Variants in CFI observed in about 807,000 individuals in gnomAD.
CFI encodes the protein C3B/C4B inactivator.
A neutral mutation model predicts 78.8 loss-of-function variants in CFI; 66 were observed. The ratio of observed to expected loss-of-function variants is 0.84; its 90% CI spans 0.69 to 1.03. The LOEUF is 1.03. CFI is among the 50% of genes least tolerant of loss of function. The probability of loss-of-function intolerance (pLI) is 0.00; values close to 1 mark genes in which losing one functional copy is unlikely to be tolerated. For synonymous variants in CFI, 250 were observed against 232.6 expected (o/e 1.07, Z -0.68); for missense variants, 706 against 704.5 (o/e 1.00, Z -0.02).
At chr4:109,782,186 A>C (rs1326659775) in intron 1 of CFI, among the ~76,000 whole-genome samples, 1 of 152,082 alleles carries the variant, frequency 6.6e-6, no homozygotes, top group African/African-American at 2.4e-5. Context: ...AAATAATTTT[A>C]TTTCTTTCTC....
intron 1 of CFI, among the ~76,000 whole-genome samples, chr4:109,788,044 T>C (rs563261628): frequency 1.2e-4 from 19 of 152,174 alleles, no homozygotes; most frequent in Admixed American, 2.0e-4. Flanking sequence ...CATGAATGTA[T>C]ACATGAGCCC....
chr4:109,786,077 A>C lies in CFI; in HGVS notation c.57+15838T>G, dbSNP rs114589678. Among the ~76,000 whole-genome samples the C allele has an allele frequency of 5.3e-3, 809 of 152,064 alleles. 5 individuals are homozygous for C. The highest frequency in any genetic ancestry group is 0.019 in the African/African-American group (775 of 41,538). On this transcript the variant is annotated intron_variant, in intron 1 of 12. Transcript: ENST00000394634. ...CAAAAAAAACCAAAGTCTAGCTCTG[A>C]GAGTGAGTGCAGTGACAATTTCAGC... is the stretch of plus-strand genomic sequence containing the variant.
intron 1 of CFI, among the ~76,000 whole-genome samples, chr4:109,771,176 G>A (rs534335583): frequency 5.7e-4 from 87 of 152,046 alleles, no homozygotes; most frequent in African/African-American, 2.0e-3. Flanking sequence ...CGGATCATGA[G>A]GTCAGGAGTT....
Position 109,753,213 on chromosome 4 carries a change from T to TTATTATATATTTATTA in CFI, c.905-711_905-710insTAATAAATATATAATA, listed in dbSNP as rs1554027473. ...ATAAATAAATATTTATAATATATAT[T>TTATTATATATTTATTA]TATAATATATTTATAATATAAATAA... On this transcript the variant is annotated intron_variant, in intron 7 of 12. Transcript: ENST00000394634. Among the ~76,000 whole-genome samples the TTATTATATATTTATTA allele has an allele frequency of 4.2e-4, 2 of 4,816 alleles. 1 individual carries two copies. The allele number at this position is 4,816 out of a possible 152,430, so 3.2% of individuals were successfully genotyped here.
rs1725468134 is a variant in CFI, at chr4:109,753,228, A to AATATATATTTATT, written c.905-726_905-725insAATAAATATATAT. Among the ~76,000 whole-genome samples the AATATATATTTATT allele has an allele frequency of 3.3e-3, 2 of 598 alleles. 1 individual carries two copies. The highest frequency in any genetic ancestry group is 0.25 in the Admixed American group (2 of 8). 0.4% of individuals were successfully genotyped at this position (598 alleles called of 152,430 possible). A position where few individuals can be genotyped will look rare whatever the true frequency, so the allele number is the denominator to read the frequency against. ...TAATATATATTTATAATATATTTAT[A>AATATATATTTATT]ATATAAATAAATATTTATAATATAT... is the stretch of plus-strand genomic sequence containing the variant. On this transcript the variant is annotated intron_variant, in intron 7 of 12. Coordinates refer to ENST00000394634, the MANE Select transcript of CFI (RefSeq NM_000204.5).
chr4:109,766,700 C>A lies in CFI; in HGVS notation c.182G>T (p.Cys61Phe). ...CTTTGGGCACTGATACGGTAGTTTA[C>A]AAACACAGGTGCCCTCAATGCATCT... Reference protein sequence around the residue: ...WQRCIEGTCVCKLPYQCPKNG... With the variant: ...WQRCIEGTCVFKLPYQCPKNG... The change falls in exon 2 of 13, where the codon TGT (cysteine) becomes TTT (phenylalanine). Residue 61 changes from cysteine (C) to phenylalanine (F), a missense_variant. By Grantham distance (205) the Cys-to-Phe change is radical. Coordinates refer to ENST00000394634, the MANE Select transcript of CFI (RefSeq NM_000204.5). 6.2e-7 allele frequency: 1 copy of A among 1,614,202 alleles called. No homozygotes were observed. Among genetic ancestry groups the A allele is most frequent in the Non-Finnish European group, 8.5e-7 (1 of 1,180,040 alleles).
In CFI at chr4:109,749,260, T is replaced by G. The variant is rs776596901; in HGVS notation, c.1106A>C (p.Tyr369Ser). The part of the protein sequence containing the change: ...DASGITCGGI[Y>S]IGGCWILTAA... ...AGTCAGAATCCAACAGCCACCAATA[T>G]AAATTCCCCCACAGGTGATTCCACT... The change falls in exon 10 of 13, where the codon TAT becomes TCT. Residue 369 changes from tyrosine (Y) to serine (S), a missense_variant. Coordinates refer to ENST00000394634, the MANE Select transcript of CFI (RefSeq NM_000204.5). 23 of 1,614,176 alleles carry G rather than the reference T, an allele frequency of 1.4e-5. No individual in the cohort carries two copies. Among genetic ancestry groups the G allele is most frequent in the Non-Finnish European group, 1.9e-5 (23 of 1,180,016 alleles).
intron 1 of CFI, among the ~76,000 whole-genome samples, chr4:109,791,038 T>C (rs1183467271): frequency 2.0e-5 from 3 of 152,324 alleles, no homozygotes; most frequent in East Asian, 1.9e-4. Context: ...TGTTCCACAA[T>C]GGTTGAGCTA....
At chr4:109,773,740 A>G (rs1728875572) in intron 1 of CFI, among the ~76,000 whole-genome samples, 1 of 152,202 alleles carries the variant, frequency 6.6e-6, no homozygotes, top group African/African-American at 2.4e-5. Context: ...CTGAAATAGG[A>G]GACTATCAAA....
chr4:109,757,995 A>G lies in CFI; in HGVS notation c.884-212T>C, dbSNP rs1300711865. The G allele has an allele frequency of 4.2e-6, 6 of 1,412,764 alleles. No homozygotes were observed. The East Asian group carries it at 1.3e-4, about 30-fold the overall frequency. The allele number at this position is 1,412,764 out of a possible 1,614,324, so 87.5% of individuals were successfully genotyped here. A position where few individuals can be genotyped will look rare whatever the true frequency, so the allele number is the denominator to read the frequency against. On this transcript the variant is annotated intron_variant, in intron 6 of 12. Coordinates refer to ENST00000394634, the MANE Select transcript of CFI (RefSeq NM_000204.5). ...AAACAAAAAACTCACTATAGCAAAG[A>G]GATCATTTTGATTTGAATAAAATAT...
intron 9 of CFI, 41 bp from the exon 10 acceptor site, chr4:109,749,362 T>G (rs776543806): frequency 1.9e-6 from 3 of 1,565,632 alleles, no homozygotes; most frequent in Non-Finnish European, 2.6e-6. Flanking sequence ...TTCTAACAGA[T>G]AGCGATACAA....
Position 109,760,512 on chromosome 4 carries a change from T to C in CFI, c.772+11A>G. The stretch of plus-strand genomic sequence containing the variant: ...GAATTTAGAGGATTTAGAGGCTAGA[T>C]TTATGTCTACCTTTACAACACAGTT... On this transcript the variant is annotated intron_variant, in intron 5 of 12. Transcript: ENST00000394634. 6.5e-7 allele frequency: 1 copy of C among 1,537,204 alleles called. No homozygotes were observed. The highest frequency in any genetic ancestry group is 9.0e-7 in the Non-Finnish European group (1 of 1,109,796).
In CFI at chr4:109,742,591, G is replaced by T. The variant is rs775471796; in HGVS notation, c.1434C>A (p.Asn478Lys). Residue 478 changes from asparagine to lysine, a missense_variant, in exon 12 of 13, where the codon AAC (asparagine) becomes AAA (lysine). Asn to Lys is a moderately conservative substitution (Grantham distance 94, BLOSUM62 0). Coordinates refer to ENST00000394634, the MANE Select transcript of CFI (RefSeq NM_000204.5). ...IVSGWGREKD[N>K]ERVFSLQWGE... ...CCCACTGAAGTGAAAAGACTCTTTC[G>T]TTATCTAAACAAAGTGAGAAAGCAA... 6.3e-7 allele frequency: 1 copy of T among 1,593,992 alleles called. No homozygotes were observed. Among genetic ancestry groups the T allele is most frequent in the South Asian group, 1.1e-5 (1 of 90,658 alleles).
chr4:109,731,353 A>G, the CFI span, among the ~76,000 whole-genome samples: 1 of 152,204 alleles, frequency 6.6e-6, no homozygotes, highest in Non-Finnish European at 1.5e-5. Flanking sequence ...CTAAAAAAAA[A>G]AGAAAGTGAG....
At chr4:109,765,807 G>T (rs984800477) in intron 2 of CFI, among the ~76,000 whole-genome samples, 1 of 152,090 alleles carries the variant, frequency 6.6e-6, no homozygotes, top group African/African-American at 2.4e-5. Flanking sequence ...GGGTTGGGGG[G>T]GACGGCTGTT....
At chr4:109,741,365 C>G (rs1723773675) in intron 12 of CFI, 2 of 985,256 alleles carry the variant, frequency 2.0e-6, no homozygotes, top group African/African-American at 3.5e-5. Flanking sequence ...CGACTGAGTA[C>G]TGAGATGAGA....
At chr4:109,753,903 T>C (rs1467823886) in intron 7 of CFI, among the ~76,000 whole-genome samples, 2 of 127,688 alleles carry the variant, frequency 1.6e-5, no homozygotes, top group African/African-American at 5.9e-5. Context: ...AATGTATAAT[T>C]TTATATTATA....
the CFI span, among the ~76,000 whole-genome samples, chr4:109,731,995 C>G: frequency 6.6e-6 from 1 of 151,844 alleles, no homozygotes; most frequent in Non-Finnish European, 1.5e-5. Flanking sequence ...CTCTGAGATA[C>G]CACCACCTGA....
chr4:109,777,939 A>T (rs1729486639), intron 1 of CFI, among the ~76,000 whole-genome samples: 1 of 152,208 alleles, frequency 6.6e-6, no homozygotes, highest in African/African-American at 2.4e-5. Flanking sequence ...ACCAATGAGA[A>T]CAAAGACACA....
Sources: allele counts gnomAD v4.1 joint callset (sites outside exome capture counted in the v4.1 genomes callset), GRCh38; gene constraint gnomAD v4.1.1; transcripts MANE v1.5; gene names NCBI Gene and HGNC (gene_info 2026-07-23, HGNC 2026-07-21).